FBXO41: variants seen among roughly 807,000 people sequenced by gnomAD.
The protein encoded by FBXO41 is F-box only protein 41.
Under a neutral mutation model 81.6 loss-of-function variants are expected in FBXO41, and 33 were observed. The ratio of observed to expected loss-of-function variants is 0.40; its 90% confidence interval spans 0.31 to 0.54. The LOEUF (loss-of-function observed/expected upper bound fraction) is 0.54. Ranked by LOEUF, FBXO41 falls within the 20% of genes least tolerant of loss-of-function variation. The pLI is 0.39. For synonymous variants in FBXO41, 576 were observed against 552.7 expected (o/e 1.04, Z -0.59); for missense variants, 1,107 against 1,236.0 (o/e 0.90, Z 1.56).
chr2:73,266,641 G>A lies in FBXO41; in HGVS notation c.947C>T (p.Ala316Val), dbSNP rs369432452. ...CCGCAGCTTGGCGCTGGCCTCCCGC[G>A]CCGCCGTCTCCTTCAGGAACTGGTC... ...QIDQFLKETA[A>V]REASAKLRLQ... The change falls in exon 3 of 13, where the codon GCG becomes GTG. Residue 316 changes from alanine (A) to valine (V), a missense_variant. Coordinates refer to ENST00000520530, the MANE Select transcript of FBXO41 (RefSeq NM_001371389.2). This position sits in a 1 kb window ranked among gnomAD's most constrained non-coding sequence, Gnocchi z 5.3. 447 of 1,604,472 alleles carry A rather than the reference G, an allele frequency of 2.8e-4. 1 individual carries two copies. The highest frequency in any genetic ancestry group is 3.5e-4 in the Non-Finnish European group (416 of 1,176,014).
At chr2:73,265,759 T>A in intron 4 of FBXO41, 119 bp from the exon 5 acceptor site, 3 of 1,428,056 alleles carry the variant, frequency 2.1e-6, no homozygotes, top group Non-Finnish European at 2.8e-6. Flanking sequence ...AAAAGCCCCC[T>A]CTGGGTGTGG....
At chr2:73,263,532 C>T in intron 8 of FBXO41, 146 bp downstream of exon 8, 1 of 1,062,574 alleles carries the variant, frequency 9.4e-7, no homozygotes, top group Non-Finnish European at 1.3e-6. Flanking sequence ...GTGGCCTCTG[C>T]TCTTGCCAAG....
In FBXO41 at chr2:73,268,976, G is replaced by A. The variant is rs1249025824; in HGVS notation, c.655C>T (p.Leu219=). The A allele has an allele frequency of 6.5e-7, 1 of 1,538,418 alleles. No individual in the cohort carries two copies. Residue 219 remains leucine (L), a synonymous_variant, in exon 2 of 13, where the codon CTG becomes TTG. Coordinates refer to ENST00000520530, the MANE Select transcript of FBXO41 (RefSeq NM_001371389.2). Reference sequence around the variant, plus strand: ...TCCACCTCCTCGCTCAGCCGCTCCAGCCGCCGGTCCACCTCCAGCTTCTCC... The same window carrying A: ...TCCACCTCCTCGCTCAGCCGCTCCAACCGCCGGTCCACCTCCAGCTTCTCC... ...ALEKLEVDRR[L]ERLSEEVEQK...
intron 1 of FBXO41, among the ~76,000 whole-genome samples, chr2:73,283,899 G>A (rs1051416437): frequency 1.3e-5 from 2 of 151,992 alleles, no homozygotes; most frequent in African/African-American, 4.8e-5. Flanking sequence ...GCCCGCCCCC[G>A]CCCCAAAACC....
chr2:73,269,542 T>C lies in FBXO41; in HGVS notation c.89A>G (p.Glu30Gly). 1 of 1,366,404 alleles carries C rather than the reference T, an allele frequency of 7.3e-7. No individual in the cohort carries two copies. Among genetic ancestry groups the C allele is most frequent in the African/African-American group, 1.5e-5 (1 of 65,322 alleles). The allele number at this position is 1,366,404 out of a possible 1,614,324, so 84.6% of individuals were successfully genotyped here. The change falls in exon 2 of 13, where the codon GAG (glutamate) becomes GGG (glycine). Residue 30 changes from glutamate (E) to glycine (G), a missense_variant. This residue lies in a region of FBXO41 where 771 missense variants were observed against 789.2 expected (regional missense o/e 0.98). Coordinates refer to ENST00000520530, the MANE Select transcript of FBXO41 (RefSeq NM_001371389.2). This position sits in a 1 kb window ranked among gnomAD's most constrained non-coding sequence, Gnocchi z 7.0. ...GAGCGTCTCGTAGGTGTGGCTGTAC[T>C]CCAGGTGCGCGCGCAGCGACGACAG... ...RSLSSLRAHL[E>G]YSHTYETLYI...
intron 1 of FBXO41, among the ~76,000 whole-genome samples, chr2:73,276,346 G>A (rs939646518): frequency 6.6e-6 from 1 of 151,526 alleles, no homozygotes; most frequent in African/African-American, 2.4e-5. Context: ...GGAGGTGGAG[G>A]TTGCAATGAG....
At chr2:73,263,179 C>A in intron 9 of FBXO41, 34 bp downstream of exon 9, 2 of 1,531,322 alleles carry the variant, frequency 1.3e-6, no homozygotes, top group Non-Finnish European at 1.8e-6. Context: ...CAACCGTGTC[C>A]CCCCTCCTAT....
chr2:73,268,725 C>A lies in FBXO41; in HGVS notation c.905+1G>T. On this transcript the variant is annotated splice_donor_variant, in intron 2 of 12. Transcript: ENST00000520530. LOFTEE classifies it high-confidence loss of function. ...TCACAGGGCCCCGAGGGTCTACTCACTGCTGCTTGCGGCTCAGCTCCTGTT... is the reference window on the plus strand; with the variant it reads ...TCACAGGGCCCCGAGGGTCTACTCAATGCTGCTTGCGGCTCAGCTCCTGTT... 6.5e-7 allele frequency: 1 copy of A among 1,534,246 alleles called. No homozygotes were observed. Among genetic ancestry groups the A allele is most frequent in the Non-Finnish European group, 8.8e-7 (1 of 1,135,486 alleles).
Position 73,265,279 on chromosome 2 carries a change from T to C in FBXO41, c.1564+3A>G. 1 of 1,598,236 alleles carries C rather than the reference T, an allele frequency of 6.3e-7. No individual in the cohort carries two copies. The highest frequency in any genetic ancestry group is 8.5e-7 in the Non-Finnish European group (1 of 1,174,146). On this transcript the variant is annotated splice_donor_region_variant and intron_variant, in intron 5 of 12. Transcript: ENST00000520530. ...TCCCCCTGCCCAGCCTTCCGGGACC[T>C]ACCTGAGAGCCGGCAGCTGCTCAAT...
chr2:73,265,264 C>T lies in FBXO41; in HGVS notation c.1564+18G>A. On this transcript the variant is annotated intron_variant, in intron 5 of 12. Transcript: ENST00000520530. ...TGCCTCAGACCTGTGTCCCCCTGCC[C>T]AGCCTTCCGGGACCTACCTGAGAGC... is the stretch of plus-strand genomic sequence containing the variant. The T allele has an allele frequency of 6.3e-7, 1 of 1,579,820 alleles. No individual in the cohort carries two copies. The highest frequency in any genetic ancestry group is 8.6e-7 in the Non-Finnish European group (1 of 1,165,554).
At chr2:73,278,016 GC>G (rs1056658004) in intron 1 of FBXO41, among the ~76,000 whole-genome samples, 12 of 152,110 alleles carry the variant, frequency 7.9e-5, no homozygotes, top group African/African-American at 2.9e-4. Context: ...TATCTTCTTG[GC>G]CACAGTGATT....
chr2:73,260,579 C>T lies in FBXO41; in HGVS notation c.2291-32G>A, dbSNP rs1461470734. 2.6e-6 allele frequency: 4 copies of T among 1,563,890 alleles called. No individual in the cohort carries two copies. Among genetic ancestry groups the T allele is most frequent in the East Asian group, 4.8e-5 (2 of 41,692 alleles). ...AGAGGAAGAAGGGGGATCCTGCTGACACACTCCCCAGGTCACCCCTGCAGC... is the reference window on the plus strand; with the variant it reads ...AGAGGAAGAAGGGGGATCCTGCTGATACACTCCCCAGGTCACCCCTGCAGC... On this transcript the variant is annotated intron_variant, in intron 10 of 12. Transcript: ENST00000520530. This position sits in a 1 kb window ranked among gnomAD's most constrained non-coding sequence, Gnocchi z 5.0.
intron 1 of FBXO41, chr2:73,271,627 C>CT (rs370838434): frequency 1.4e-5 from 2 of 146,050 alleles, no homozygotes; most frequent in Non-Finnish European, 3.0e-5. Flanking sequence ...CTGCACTCCC[C>CT]CCCCCCCAAC....
In FBXO41 at chr2:73,260,325, C is replaced by G; in HGVS notation, c.2449+64G>C. On this transcript the variant is annotated intron_variant, in intron 11 of 12. Coordinates refer to ENST00000520530, the MANE Select transcript of FBXO41 (RefSeq NM_001371389.2). This position sits in a 1 kb window ranked among gnomAD's most constrained non-coding sequence, Gnocchi z 5.0. ...ATCTGCCCCAGTGATAGTTAGGATA[C>G]CTGCTGACAGGGCCCCGTGGCAGGT... 1 of 1,552,636 alleles carries G rather than the reference C, an allele frequency of 6.4e-7. No individual in the cohort carries two copies. Among genetic ancestry groups the G allele is most frequent in the Admixed American group, 1.9e-5 (1 of 53,998 alleles).
chr2:73,264,221 A>G, intron 6 of FBXO41, 57 bp downstream of exon 6: 1 of 1,609,328 alleles, frequency 6.2e-7, no homozygotes, highest in South Asian at 1.1e-5. Flanking sequence ...GCCAGATTCT[A>G]CCCAGGGGGA....
rs1010748962 is a variant in FBXO41 at position 73,265,315 on chromosome 2, T to C, written c.1531A>G (p.Met511Val). The C allele has an allele frequency of 1.2e-6, 2 of 1,610,506 alleles. No homozygotes were observed. Among genetic ancestry groups the C allele is most frequent in the East Asian group, 4.5e-5 (2 of 44,866 alleles). Residue 511 changes from methionine to valine, a missense_variant, in exon 5 of 13, where the codon ATG becomes GTG. Physicochemically the swap from Met to Val is conservative, Grantham distance 21. Coordinates refer to ENST00000520530, the MANE Select transcript of FBXO41 (RefSeq NM_001371389.2). ...CGGCAGCTGCTCAATGGCCCAGCCATAGCAGGCCCGGGGCGGGGCGCATCC... is the reference window on the plus strand; with the variant it reads ...CGGCAGCTGCTCAATGGCCCAGCCACAGCAGGCCCGGGGCGGGGCGCATCC... Reference protein sequence around the residue: ...PLDAPRPGPAMAGPLSSCRLS... With the variant: ...PLDAPRPGPAVAGPLSSCRLS...
At chr2:73,261,036 C>G (rs777221468) in intron 9 of FBXO41, among the ~76,000 whole-genome samples, 178 bp from the exon 10 acceptor site, 1 of 151,522 alleles carries the variant, frequency 6.6e-6, no homozygotes, top group Non-Finnish European at 1.5e-5. Context: ...CCACCAAGTC[C>G]TGCAGATTCT....
rs775362906 is a variant in FBXO41 at position 73,269,454 on chromosome 2, G to GGCGGCGGCGGCC, written c.165_176dup (p.Ala58_Ala61dup). ...GAGCCAGCGGGAACCCCGAGGCAGCGGCGGCGGCGGCCGCGGCGGCGGCGG... is the reference window on the plus strand; with the variant it reads ...GAGCCAGCGGGAACCCCGAGGCAGCGGCGGCGGCGGCCGCGGCGGCGGCCGCGGCGGCGGCGG... On this transcript the variant is annotated inframe_insertion, in exon 2 of 13. Transcript: ENST00000520530. This position sits in a 1 kb window ranked among gnomAD's most constrained non-coding sequence, Gnocchi z 7.0. 4.0e-6 allele frequency: 5 copies of GGCGGCGGCGGCC among 1,261,134 alleles called. No homozygotes were observed. The highest frequency in any genetic ancestry group is 4.1e-5 in the Admixed American group (1 of 24,548). The allele number at this position is 1,261,134 out of a possible 1,614,324, so 78.1% of individuals were successfully genotyped here.
Position 73,266,141 on chromosome 2 carries a change from C to T in FBXO41, c.1132-175G>A, listed in dbSNP as rs1249413588. ...CAGACAGACAGCCCAGAGAGGCAGG[C>T]TTACCAGCCCCTCCCCACACCCACA... On this transcript the variant is annotated intron_variant, in intron 3 of 12. Coordinates refer to ENST00000520530, the MANE Select transcript of FBXO41 (RefSeq NM_001371389.2). The surrounding 1 kb of genome is among the most constrained non-coding windows in gnomAD (Gnocchi z 5.3). 6.6e-6 allele frequency among the ~76,000 whole-genome samples: 1 copy of T among 152,166 alleles called. No individual in the cohort carries two copies. The highest frequency in any genetic ancestry group is 2.4e-5 in the African/African-American group (1 of 41,428).
Sources: allele counts gnomAD v4.1 joint callset (sites outside exome capture counted in the v4.1 genomes callset), GRCh38; gene constraint gnomAD v4.1.1; regional missense constraint gnomAD v4.1.1; non-coding constraint Gnocchi (gnomAD v3.1); transcripts MANE v1.5; gene names NCBI Gene and HGNC (gene_info 2026-07-23, HGNC 2026-07-21).